Variants in HMX3 observed in about 807,000 individuals in gnomAD.
HMX3 encodes homeobox protein HMX3.
Under a neutral mutation model 22.8 loss-of-function variants are expected in HMX3, and 8 were observed. The observed-to-expected ratio is 0.35, with a 90% CI of 0.21 to 0.63. The LOEUF (loss-of-function observed/expected upper bound fraction) is 0.63. HMX3 is among the 30% of genes least tolerant of loss of function. The pLI is 0.72. For synonymous variants in HMX3, 331 were observed against 250.9 expected (o/e 1.32, Z -3.02); for missense variants, 527 against 520.6 (o/e 1.01, Z -0.12).
chr10:123,137,047 T>A lies in HMX3; in HGVS notation c.401-11T>A, dbSNP rs1376083981. ...GTGCATGTGTGTGCGTCCGTCTGTCTGTCTCCCCAGCCTCGGAGAAGGCCT... is the reference window on the plus strand; with the variant it reads ...GTGCATGTGTGTGCGTCCGTCTGTCAGTCTCCCCAGCCTCGGAGAAGGCCT... On this transcript the variant is annotated splice_polypyrimidine_tract_variant and intron_variant, in intron 1 of 1. Transcript: ENST00000357878. This position sits in a 1 kb window ranked among gnomAD's most constrained non-coding sequence, Gnocchi z 5.8. The A allele has an allele frequency of 1.9e-6, 3 of 1,595,214 alleles. No individual in the cohort carries two copies. Among genetic ancestry groups the A allele is most frequent in the Non-Finnish European group, 2.6e-6 (3 of 1,171,542 alleles).
rs1844066618 is a variant in HMX3 at position 123,135,994 on chromosome 10, C to T, written c.-57C>T. 3 of 1,302,256 alleles carry T rather than the reference C, an allele frequency of 2.3e-6. No individual in the cohort carries two copies. The highest frequency in any genetic ancestry group is 2.9e-6 in the Non-Finnish European group (3 of 1,020,834). The allele number at this position is 1,302,256 out of a possible 1,614,324, so 80.7% of individuals were successfully genotyped here. ...TGATTTCCGGCCTCTCGCCTGCTCG[C>T]CCCGCCGCCCGCCTGTCCCGCTCCC... On this transcript the variant is annotated 5_prime_UTR_variant, in exon 1 of 2. Coordinates refer to ENST00000357878, the MANE Select transcript of HMX3 (RefSeq NM_001105574.2).
At position 123,137,278 on chromosome 10, in the gene HMX3, G is replaced by A. The variant is rs1417186913; in HGVS notation, c.621G>A (p.Pro207=). ...GASVGAAAAT[P]GAEDWKKGAE... is the part of the protein sequence containing the mutation. ...GCGTAGGGGCGGCGGCGGCCACTCC[G>A]GGCGCAGAAGACTGGAAGAAGGGCG... is the stretch of plus-strand genomic sequence containing the variant. Residue 207 remains proline, a synonymous_variant, in exon 2 of 2, where the codon CCG becomes CCA. Transcript: ENST00000357878. This position sits in a 1 kb window ranked among gnomAD's most constrained non-coding sequence, Gnocchi z 5.8. 1.9e-6 allele frequency: 3 copies of A among 1,595,588 alleles called. No individual in the cohort carries two copies. The highest frequency in any genetic ancestry group is 1.1e-5 in the South Asian group (1 of 89,334).
chr10:123,136,938 G>A lies in HMX3; in HGVS notation c.401-120G>A. The A allele has an allele frequency of 2.5e-6, 3 of 1,187,710 alleles. No individual in the cohort carries two copies. The highest frequency in any genetic ancestry group is 3.5e-6 in the Non-Finnish European group (3 of 868,690). The allele number at this position is 1,187,710 out of a possible 1,614,324, so 73.6% of individuals were successfully genotyped here. A position where few individuals can be genotyped will look rare whatever the true frequency, so the allele number is the denominator to read the frequency against. On this transcript the variant is annotated intron_variant, in intron 1 of 1. Transcript: ENST00000357878. The surrounding 1 kb of genome is among the most constrained non-coding windows in gnomAD (Gnocchi z 4.8). ...AGGAGGCAGCCCGCGGGAATGGTGA[G>A]GCCTCATGGCCTGGGACCTGGAGGC...
Position 123,139,269 on chromosome 10 carries a change from C to G in HMX3, c.*1538C>G, listed in dbSNP as rs1358388851. Among the ~76,000 whole-genome samples the G allele has an allele frequency of 6.6e-6, 1 of 151,992 alleles. No individual in the cohort carries two copies. Among genetic ancestry groups the G allele is most frequent in the African/African-American group, 2.4e-5 (1 of 41,344 alleles). ...ATCTGTTTTCTTTCTGTCGGTACAC[C>G]TGTTGTTCTGTGATAGTTTGTTTCC... On this transcript the variant is annotated 3_prime_UTR_variant, in exon 2 of 2. Transcript: ENST00000357878.
rs1035414617 is a variant in HMX3 at position 123,138,994 on chromosome 10, C to G, written c.*1263C>G. ...TCTCCTGAGAAAGCTGTTTCCTCCT[C>G]CACCGTGGGAAACAGACCTTTTCAC... On this transcript the variant is annotated 3_prime_UTR_variant, in exon 2 of 2. Coordinates refer to ENST00000357878, the MANE Select transcript of HMX3 (RefSeq NM_001105574.2). Among the ~76,000 whole-genome samples the G allele has an allele frequency of 6.6e-6, 1 of 152,116 alleles. No individual in the cohort carries two copies. Among genetic ancestry groups the G allele is most frequent in the Admixed American group, 6.5e-5 (1 of 15,284 alleles).
chr10:123,135,998 G>C lies in HMX3; in HGVS notation c.-53G>C, dbSNP rs1193224820. The C allele has an allele frequency of 3.6e-5, 47 of 1,288,954 alleles. No homozygotes were observed. The highest frequency in any genetic ancestry group is 4.1e-5 in the Non-Finnish European group (42 of 1,014,252). 79.8% of individuals were successfully genotyped at this position (1,288,954 alleles called of 1,614,324 possible). ...TTCCGGCCTCTCGCCTGCTCGCCCC[G>C]CCGCCCGCCTGTCCCGCTCCCTCCC... On this transcript the variant is annotated 5_prime_UTR_variant, in exon 1 of 2. Transcript: ENST00000357878.
At position 123,137,140 on chromosome 10, in the gene HMX3, C is replaced by T. The variant is rs747999667; in HGVS notation, c.483C>T (p.Asp161=). The change falls in exon 2 of 2, where the codon GAC becomes GAT. Residue 161 remains aspartate (D), a synonymous_variant. Transcript: ENST00000357878. This position sits in a 1 kb window ranked among gnomAD's most constrained non-coding sequence, Gnocchi z 5.8. ...CTCCGGAGCCACTGCTCAAGGCCGA[C>T]CCCGATCACAAGGAGCTGGACTCCA... ...RDSPEPLLKA[D]PDHKELDSKS... 2 of 1,608,656 alleles carry T rather than the reference C, an allele frequency of 1.2e-6. No individual in the cohort carries two copies. The highest frequency in any genetic ancestry group is 1.1e-5 in the South Asian group (1 of 90,160).
In HMX3 at chr10:123,136,263, G is replaced by A. The variant is rs752394144; in HGVS notation, c.213G>A (p.Ala71=). 5.0e-5 allele frequency: 69 copies of A among 1,369,568 alleles called. No individual in the cohort carries two copies. Among genetic ancestry groups the A allele is most frequent in the Non-Finnish European group, 5.8e-5 (62 of 1,063,890 alleles). 84.8% of individuals were successfully genotyped at this position (1,369,568 alleles called of 1,614,324 possible). A position where few individuals can be genotyped will look rare whatever the true frequency, so the allele number is the denominator to read the frequency against. ...AAAAAAAAAA[A]AAKGALEGAA... The stretch of plus-strand genomic sequence containing the variant: ...CCGCCGCCGCCGCTGCCGCTGCCGC[G>A]GCGGCCAAGGGGGCCCTGGAGGGCG... Residue 71 remains alanine, a synonymous_variant, in exon 1 of 2, where the codon GCG becomes GCA. Transcript: ENST00000357878. This position sits in a 1 kb window ranked among gnomAD's most constrained non-coding sequence, Gnocchi z 4.8.
In HMX3 at chr10:123,138,168, C is replaced by T. The variant is rs1227136882; in HGVS notation, c.*437C>T. 4.5e-5 allele frequency among the ~76,000 whole-genome samples: 4 copies of T among 89,448 alleles called. No homozygotes were observed. Among genetic ancestry groups the T allele is most frequent in the African/African-American group, 1.1e-4 (3 of 28,192 alleles). 58.7% of individuals were successfully genotyped at this position (89,448 alleles called of 152,430 possible). On this transcript the variant is annotated 3_prime_UTR_variant, in exon 2 of 2. Coordinates refer to ENST00000357878, the MANE Select transcript of HMX3 (RefSeq NM_001105574.2). ...TCTGCTTTTTTTTTTTTTTCCGAGA[C>T]GGAATCTTGCTCTATCTATTGCCCA... is the stretch of plus-strand genomic sequence containing the variant.
rs1844096722 is a variant in HMX3 at position 123,137,946 on chromosome 10, C to CCTCT, written c.*216_*219dup. Among the ~76,000 whole-genome samples, 1 of 152,210 alleles carries CCTCT rather than the reference C, an allele frequency of 6.6e-6. No homozygotes were observed. Among genetic ancestry groups the CCTCT allele is most frequent in the African/African-American group, 2.4e-5 (1 of 41,450 alleles). ...TCCCTAATGGATTGGAGGCGCTTCC[C>CCTCT]CTCTTACTTTTGGTTTTTGGCTTAT... On this transcript the variant is annotated 3_prime_UTR_variant, in exon 2 of 2. Coordinates refer to ENST00000357878, the MANE Select transcript of HMX3 (RefSeq NM_001105574.2). The surrounding 1 kb of genome is among the most constrained non-coding windows in gnomAD (Gnocchi z 5.8).
rs764711185 is a variant in HMX3 at position 123,137,239 on chromosome 10, C to A, written c.582C>A (p.Gly194=). 6 of 1,593,576 alleles carry A rather than the reference C, an allele frequency of 3.8e-6. No homozygotes were observed. In the African/African-American group the frequency reaches 5.4e-5, roughly 14 times the overall value. ...ESKKEGEAAP[G]AAGASVGAAA... is the part of the protein sequence containing the mutation. The stretch of plus-strand genomic sequence containing the variant: ...AAAAGGAAGGCGAAGCGGCGCCAGG[C>A]GCGGCCGGGGCGAGCGTAGGGGCGG... Residue 194 remains glycine (G), a synonymous_variant, in exon 2 of 2, where the codon GGC becomes GGA. Transcript: ENST00000357878. The surrounding 1 kb of genome is among the most constrained non-coding windows in gnomAD (Gnocchi z 5.8).
In HMX3 at chr10:123,136,027, CG is replaced by C; in HGVS notation, c.-20del. On this transcript the variant is annotated 5_prime_UTR_variant, in exon 1 of 2. Transcript: ENST00000357878. The surrounding 1 kb of genome is among the most constrained non-coding windows in gnomAD (Gnocchi z 4.8). ...CCCGCCTGTCCCGCTCCCTCCCTCC[CG>C]GGGACCCGGAGGAGAGGGGACCATG... The C allele has an allele frequency of 3.7e-6, 5 of 1,337,072 alleles. No individual in the cohort carries two copies. The highest frequency in any genetic ancestry group is 4.8e-6 in the Non-Finnish European group (5 of 1,042,510). 82.8% of individuals were successfully genotyped at this position (1,337,072 alleles called of 1,614,324 possible).
chr10:123,136,346 C>A lies in HMX3; in HGVS notation c.296C>A (p.Pro99Gln). The A allele has an allele frequency of 6.4e-7, 1 of 1,571,610 alleles. No individual in the cohort carries two copies. Among genetic ancestry groups the A allele is most frequent in the East Asian group, 2.5e-5 (1 of 39,404 alleles). Reference sequence around the variant, plus strand: ...CTGGCTTTCCCTCGCTTTGAGATCCCGGCGCAGAGGTTTGCCCTGCCCGCG... The same window carrying A: ...CTGGCTTTCCCTCGCTTTGAGATCCAGGCGCAGAGGTTTGCCCTGCCCGCG... ...GDLAFPRFEI[P>Q]AQRFALPAHY... Residue 99 changes from proline (P) to glutamine (Q), a missense_variant, in exon 1 of 2, where the codon CCG (proline) becomes CAG (glutamine). Around this residue, in one of 3 missense-constraint regions of HMX3, gnomAD observed 386 missense variants for 337.8 expected, o/e 1.14. Transcript: ENST00000357878. This position sits in a 1 kb window ranked among gnomAD's most constrained non-coding sequence, Gnocchi z 4.8.
At position 123,137,717 on chromosome 10, in the gene HMX3, C is replaced by T; in HGVS notation, c.1060C>T (p.Leu354=). The change falls in exon 2 of 2, where the codon CTA becomes TTA. Residue 354 remains leucine (L), a synonymous_variant. Coordinates refer to ENST00000357878, the MANE Select transcript of HMX3 (RefSeq NM_001105574.2). The surrounding 1 kb of genome is among the most constrained non-coding windows in gnomAD (Gnocchi z 5.8). The part of the protein sequence containing the change: ...SHPVVSSVPL[L]RPV ...CCCGGTGGTCTCTTCCGTGCCGCTG[C>T]TACGGCCGGTCTGAGGCCCCAGAGG... 1 of 1,442,768 alleles carries T rather than the reference C, an allele frequency of 6.9e-7. No individual in the cohort carries two copies. The highest frequency in any genetic ancestry group is 9.1e-7 in the Non-Finnish European group (1 of 1,104,684). 89.4% of individuals were successfully genotyped at this position (1,442,768 alleles called of 1,614,324 possible).
At position 123,136,666 on chromosome 10, in the gene HMX3, C is replaced by T. The variant is rs1844079424; in HGVS notation, c.400+216C>T. Among the ~76,000 whole-genome samples, 1 of 152,166 alleles carries T rather than the reference C, an allele frequency of 6.6e-6. No homozygotes were observed. The highest frequency in any genetic ancestry group is 2.1e-4 in the South Asian group (1 of 4,832). ...AGAAGTGGAATTGGAGCCCCGGGCA[C>T]GGTGCTTCCCGGGAAAAGTGGCCTC... is the stretch of plus-strand genomic sequence containing the variant. On this transcript the variant is annotated intron_variant, in intron 1 of 1. Coordinates refer to ENST00000357878, the MANE Select transcript of HMX3 (RefSeq NM_001105574.2). The surrounding 1 kb of genome is among the most constrained non-coding windows in gnomAD (Gnocchi z 4.8).
Position 123,137,818 on chromosome 10 carries a change from C to A in HMX3, c.*87C>A. The A allele has an allele frequency of 1.9e-6, 2 of 1,052,424 alleles. No homozygotes were observed. Among genetic ancestry groups the A allele is most frequent in the Non-Finnish European group, 2.6e-6 (2 of 775,910 alleles). 65.2% of individuals were successfully genotyped at this position (1,052,424 alleles called of 1,614,324 possible). A position where few individuals can be genotyped will look rare whatever the true frequency, so the allele number is the denominator to read the frequency against. On this transcript the variant is annotated 3_prime_UTR_variant, in exon 2 of 2. Coordinates refer to ENST00000357878, the MANE Select transcript of HMX3 (RefSeq NM_001105574.2). The surrounding 1 kb of genome is among the most constrained non-coding windows in gnomAD (Gnocchi z 5.8). ...GGCCGGGCCGAGGGCGCCGAGAAGTCCAGCGGCCTTCAGGAACTGGGGCTT... is the reference window on the plus strand; with the variant it reads ...GGCCGGGCCGAGGGCGCCGAGAAGTACAGCGGCCTTCAGGAACTGGGGCTT...
rs149297705 is a variant in HMX3, at chr10:123,138,884, T to C, written c.*1153T>C. On this transcript the variant is annotated 3_prime_UTR_variant, in exon 2 of 2. Transcript: ENST00000357878. The stretch of plus-strand genomic sequence containing the variant: ...TTTGAGAGAGTAATTTCAGTATTTT[T>C]AATATGATATCTTTTATCCTCTCCT... Among the ~76,000 whole-genome samples, 979 of 152,348 alleles carry C rather than the reference T, an allele frequency of 6.4e-3. 10 individuals carry two copies. Among genetic ancestry groups the C allele is most frequent in the African/African-American group, 0.022 (898 of 41,572 alleles).
At position 123,137,013 on chromosome 10, in the gene HMX3, T is replaced by C; in HGVS notation, c.401-45T>C. The C allele has an allele frequency of 6.5e-7, 1 of 1,536,272 alleles. No individual in the cohort carries two copies. The highest frequency in any genetic ancestry group is 8.7e-7 in the Non-Finnish European group (1 of 1,143,810). On this transcript the variant is annotated intron_variant, in intron 1 of 1. Coordinates refer to ENST00000357878, the MANE Select transcript of HMX3 (RefSeq NM_001105574.2). The surrounding 1 kb of genome is among the most constrained non-coding windows in gnomAD (Gnocchi z 5.8). Reference sequence around the variant, plus strand: ...CCAGGCGCCGGGCCTCGCTCAAGGCTGTGTCGGTGTGCATGTGTGTGCGTC... The same window carrying C: ...CCAGGCGCCGGGCCTCGCTCAAGGCCGTGTCGGTGTGCATGTGTGTGCGTC...
rs754822206 is a variant in HMX3 at position 123,136,260 on chromosome 10, C to A, written c.210C>A (p.Ala70=). The change falls in exon 1 of 2, where the codon GCC becomes GCA. Residue 70 remains alanine, a synonymous_variant. Transcript: ENST00000357878. This position sits in a 1 kb window ranked among gnomAD's most constrained non-coding sequence, Gnocchi z 4.8. ...SAAAAAAAAA[A]AAAKGALEGA... ...CCGCCGCCGCCGCCGCTGCCGCTGC[C>A]GCGGCGGCCAAGGGGGCCCTGGAGG... 1.5e-6 allele frequency: 2 copies of A among 1,366,670 alleles called. No individual in the cohort carries two copies. Among genetic ancestry groups the A allele is most frequent in the South Asian group, 2.0e-5 (1 of 50,568 alleles). 84.7% of individuals were successfully genotyped at this position (1,366,670 alleles called of 1,614,324 possible). A position where few individuals can be genotyped will look rare whatever the true frequency, so the allele number is the denominator to read the frequency against.
Sources: gnomAD v4.1 joint callset for allele counts (sites outside exome capture counted in the v4.1 genomes callset) on GRCh38, gnomAD v4.1.1 for gene constraint, gnomAD v4.1.1 regional missense constraint, Gnocchi (gnomAD v3.1) non-coding constraint, MANE v1.5 for transcripts, NCBI Gene and HGNC (gene_info 2026-07-23, HGNC 2026-07-21) for gene names.